Variants in GNAQ observed in about 807,000 individuals in gnomAD.
The protein encoded by GNAQ is G protein subunit alpha q, also known as guanine nucleotide-binding protein G(q) subunit alpha.
In GNAQ, 8 loss-of-function variants were observed where a neutral mutation model predicts 43.9. The observed-to-expected ratio is 0.18, with a 90% CI of 0.11 to 0.33. The LOEUF is 0.33. GNAQ is among the 10% of genes least tolerant of loss of function. The pLI is 1.00. For synonymous variants in GNAQ, 155 were observed against 170.7 expected (o/e 0.91, Z 0.71); for missense variants, 158 against 450.8 (o/e 0.35, Z 5.88).
At chr9:77,962,999 T>C (rs1238868241) in intron 1 of GNAQ, among the ~76,000 whole-genome samples, 1 of 150,968 alleles carries the variant, frequency 6.6e-6, no homozygotes, top group Non-Finnish European at 1.5e-5. Flanking sequence ...TGTTATAACA[T>C]ATCTGAACAG....
chr9:77,759,202 T>C (rs1825950814), intron 5 of GNAQ, among the ~76,000 whole-genome samples: 1 of 152,234 alleles, frequency 6.6e-6, no homozygotes, highest in Admixed American at 6.5e-5. Flanking sequence ...TGACTATCAA[T>C]ATTGTTAACC....
intron 2 of GNAQ, among the ~76,000 whole-genome samples, chr9:77,870,466 CAGGCGCCTGCCA>C (rs1828019087): frequency 6.6e-6 from 1 of 151,612 alleles, no homozygotes; most frequent in Non-Finnish European, 1.5e-5. Flanking sequence ...GCTGGGACTA[CAGGCGCCTGCCA>C]AGGCGCCCTG....
At chr9:77,874,073 C>T (rs560022744) in intron 2 of GNAQ, among the ~76,000 whole-genome samples, 1 of 148,828 alleles carries the variant, frequency 6.7e-6, no homozygotes, top group South Asian at 2.1e-4. Flanking sequence ...CCATTGCACT[C>T]CACCTGGGCA....
At chr9:77,866,601 C>T (rs1343505265) in intron 2 of GNAQ, among the ~76,000 whole-genome samples, 1 of 152,100 alleles carries the variant, frequency 6.6e-6, no homozygotes, top group African/African-American at 2.4e-5. Flanking sequence ...GACAAAATAA[C>T]CCAATCAGGA....
At chr9:77,763,001 C>A (rs1246403162) in intron 5 of GNAQ, among the ~76,000 whole-genome samples, 1 of 151,940 alleles carries the variant, frequency 6.6e-6, no homozygotes, top group Admixed American at 6.6e-5. Flanking sequence ...AACCAGAGAC[C>A]TTTGTTCACT....
intron 5 of GNAQ, among the ~76,000 whole-genome samples, chr9:77,769,621 C>T (rs1216754183): frequency 6.6e-6 from 1 of 150,966 alleles, no homozygotes. Flanking sequence ...GTAATAATTC[C>T]AACAAGAATG....
At chr9:77,851,788 C>A (rs534780727) in intron 2 of GNAQ, among the ~76,000 whole-genome samples, 7 of 152,268 alleles carry the variant, frequency 4.6e-5, no homozygotes, top group East Asian at 1.9e-4. Context: ...CTGCCTGCTG[C>A]AAAGACCCCT....
chr9:77,930,189 C>G (rs879322622), intron 1 of GNAQ, among the ~76,000 whole-genome samples: 8 of 152,116 alleles, frequency 5.3e-5, no homozygotes, highest in Non-Finnish European at 7.3e-5. Context: ...ATCCACAGAC[C>G]CATCCCCCAC....
chr9:78,007,163 A>C (rs1587457997), intron 1 of GNAQ, among the ~76,000 whole-genome samples: 1 of 152,328 alleles, frequency 6.6e-6, no homozygotes, highest in East Asian at 1.9e-4. Flanking sequence ...TCATTACACA[A>C]GGACTAAAAG....
chr9:77,935,922 T>C (rs1300719182), intron 1 of GNAQ, among the ~76,000 whole-genome samples: 1 of 152,140 alleles, frequency 6.6e-6, no homozygotes, highest in African/African-American at 2.4e-5. Flanking sequence ...TCCTTACTAC[T>C]AAGTAAATTG....
chr9:77,767,461 T>C (rs529552406), intron 5 of GNAQ, among the ~76,000 whole-genome samples: 42 of 152,154 alleles, frequency 2.8e-4, no homozygotes, highest in Non-Finnish European at 5.6e-4. Flanking sequence ...TCTGGTAGTA[T>C]GCATCACTAG....
intron 1 of GNAQ, among the ~76,000 whole-genome samples, chr9:78,017,631 C>G (rs1443625544): frequency 6.6e-6 from 1 of 152,116 alleles, no homozygotes; most frequent in Non-Finnish European, 1.5e-5. Context: ...TAAAGCAGAT[C>G]ATGATTTTTA....
At chr9:77,920,052 TCGCTTGAACCTGAGAGG>T (rs1828973866) in intron 2 of GNAQ, among the ~76,000 whole-genome samples, 1 of 151,926 alleles carries the variant, frequency 6.6e-6, no homozygotes, top group Non-Finnish European at 1.5e-5. Context: ...GGCAGGAGAA[TCGCTTGAACCTGAGAGG>T]CGCAGATTGC....
intron 2 of GNAQ, among the ~76,000 whole-genome samples, chr9:77,907,799 GC>G (rs1828735123): frequency 6.6e-6 from 1 of 152,128 alleles, no homozygotes; most frequent in Admixed American, 6.5e-5. Context: ...CAGGCCCTTT[GC>G]TAGGTCCTGG....
At chr9:78,015,632 G>T (rs932593367) in intron 1 of GNAQ, among the ~76,000 whole-genome samples, 9 of 151,618 alleles carry the variant, frequency 5.9e-5, no homozygotes, top group Non-Finnish European at 1.3e-4. Context: ...ATATATATTA[G>T]ACTACAATAA....
Position 77,799,608 on chromosome 9 carries a change from T to C in GNAQ, c.477-1960A>G, listed in dbSNP as rs540728941. ...AATTTGAAACTGAATGTAAAAAAAA[T>C]GTTAAATCTACAAGATTCCTGGAAT... On this transcript the variant is annotated intron_variant, in intron 3 of 6. Transcript: ENST00000286548. Among the ~76,000 whole-genome samples, 4 of 152,316 alleles carry C rather than the reference T, an allele frequency of 2.6e-5. No individual in the cohort carries two copies. In the East Asian group the frequency reaches 7.7e-4, roughly 29 times the overall value.
intron 2 of GNAQ, among the ~76,000 whole-genome samples, chr9:77,907,414 T>G (rs1361683507): frequency 6.6e-6 from 1 of 152,166 alleles, no homozygotes; most frequent in Admixed American, 6.6e-5. Flanking sequence ...AAAGAATATA[T>G]GAGCTTTCCT....
At chr9:77,913,416 A>G (rs1001701056) in intron 2 of GNAQ, among the ~76,000 whole-genome samples, 18 of 152,154 alleles carry the variant, frequency 1.2e-4, no homozygotes, top group Non-Finnish European at 1.6e-4. Context: ...ATAAAATTAA[A>G]TGAAAGTAAA....
At chr9:77,906,727 AT>A (rs1415597319) in intron 2 of GNAQ, among the ~76,000 whole-genome samples, 1 of 152,254 alleles carries the variant, frequency 6.6e-6, no homozygotes, top group Admixed American at 6.5e-5. Flanking sequence ...TGTTCCACTA[AT>A]TGCAAATATT....
Sources: gnomAD v4.1 joint callset for allele counts (sites outside exome capture counted in the v4.1 genomes callset) on GRCh38, gnomAD v4.1.1 for gene constraint, MANE v1.5 for transcripts, NCBI Gene and HGNC (gene_info 2026-07-23, HGNC 2026-07-21) for gene names.